KCNN2: variants seen among roughly 807,000 people sequenced by gnomAD.
The protein encoded by KCNN2 is potassium calcium-activated channel subfamily N member 2, also known as small conductance calcium-activated potassium channel protein 2.
A neutral mutation model predicts 55.5 loss-of-function variants in KCNN2; 24 were observed. The observed-to-expected ratio is 0.43, with a 90% CI of 0.31 to 0.61. The LOEUF is 0.61. KCNN2 is among the 20% of genes least tolerant of loss of function. The pLI, the probability that KCNN2 is intolerant of heterozygous loss-of-function variation, is 0.08. For missense variants in KCNN2, 754 were observed against 853.6 expected (o/e 0.88, Z 1.45); for synonymous variants, 431 against 336.1 (o/e 1.28, Z -3.09).
chr5:114,158,415 A>G (rs1752688414), intron 1 of KCNN2, among the ~76,000 whole-genome samples: 1 of 151,986 alleles, frequency 6.6e-6, no homozygotes, highest in African/African-American at 2.4e-5. Flanking sequence ...GCCTTGTAGT[A>G]TAGTTTGAAG....
chr5:114,425,197 C>A (rs751984067), intron 3 of KCNN2, among the ~76,000 whole-genome samples: 1 of 152,180 alleles, frequency 6.6e-6, no homozygotes, highest in Non-Finnish European at 1.5e-5. Context: ...AGGGGCTTAA[C>A]TATCATGCTT....
At chr5:114,448,164 C>T (rs1279062488) in intron 3 of KCNN2, among the ~76,000 whole-genome samples, 3 of 152,172 alleles carry the variant, frequency 2.0e-5, no homozygotes, top group African/African-American at 4.8e-5. Context: ...TTCACTTTCT[C>T]ACTTTCAGCT....
At chr5:114,338,733 G>T (rs545431403) in intron 2 of KCNN2, among the ~76,000 whole-genome samples, 1 of 152,256 alleles carries the variant, frequency 6.6e-6, no homozygotes, top group Non-Finnish European at 1.5e-5. Context: ...TGGGTTTAGG[G>T]TTTCCCTATG....
intron 2 of KCNN2, among the ~76,000 whole-genome samples, chr5:114,399,477 A>T (rs756015386): frequency 3.3e-5 from 5 of 152,134 alleles, no homozygotes; most frequent in Admixed American, 6.5e-5. Context: ...TAGCTTTTTG[A>T]TGTGCTGCTG....
At chr5:114,364,303 C>G (rs1471489877) in intron 2 of KCNN2, among the ~76,000 whole-genome samples, 1 of 152,164 alleles carries the variant, frequency 6.6e-6, no homozygotes, top group African/African-American at 2.4e-5. Context: ...TTCCTTAAGG[C>G]CAGTTATGCT....
chr5:114,285,557 A>G (rs988591122), intron 2 of KCNN2, among the ~76,000 whole-genome samples: 1 of 152,194 alleles, frequency 6.6e-6, no homozygotes, highest in African/African-American at 2.4e-5. Context: ...TCCTAAAATT[A>G]TAGATCAGAA....
At chr5:114,222,180 C>G (rs867630400) in intron 2 of KCNN2, among the ~76,000 whole-genome samples, 2 of 151,936 alleles carry the variant, frequency 1.3e-5, no homozygotes, top group Non-Finnish European at 2.9e-5. Flanking sequence ...TAGTTCCTTT[C>G]AAAAAATTAA....
intron 2 of KCNN2, among the ~76,000 whole-genome samples, chr5:114,336,655 G>A (rs1756929558): frequency 6.6e-6 from 1 of 152,208 alleles, no homozygotes; most frequent in Admixed American, 6.5e-5. Context: ...AGGGACAGCA[G>A]TGCAGAACAC....
At chr5:114,262,942 G>T (rs79905187) in intron 2 of KCNN2, among the ~76,000 whole-genome samples, 2 of 152,166 alleles carry the variant, frequency 1.3e-5, no homozygotes, top group Admixed American at 1.3e-4. Flanking sequence ...TATATCATTC[G>T]CCAATTGTGA....
chr5:114,202,049 C>G (rs747182051), intron 1 of KCNN2, among the ~76,000 whole-genome samples: 2 of 152,100 alleles, frequency 1.3e-5, no homozygotes, highest in African/African-American at 4.8e-5. Context: ...GTGGCAGGGA[C>G]CATCCGAGGG....
intron 1 of KCNN2, among the ~76,000 whole-genome samples, chr5:114,125,702 G>A (rs1054085466): frequency 6.6e-6 from 1 of 152,146 alleles, no homozygotes. Flanking sequence ...CAGTTCTGGA[G>A]GTTAGAAGTG....
chr5:114,160,383 T>G (rs1485429359), intron 1 of KCNN2, among the ~76,000 whole-genome samples: 1 of 152,182 alleles, frequency 6.6e-6, no homozygotes, highest in East Asian at 1.9e-4. Flanking sequence ...TTGTTATAAT[T>G]TCTATTCTTT....
At chr5:114,277,876 C>T (rs1755524035) in intron 2 of KCNN2, among the ~76,000 whole-genome samples, 2 of 152,096 alleles carry the variant, frequency 1.3e-5, no homozygotes, top group African/African-American at 4.8e-5. Context: ...AGTTTTGTTC[C>T]CTTGCTGTCG....
At chr5:114,065,243 C>T (rs1027830935) in intron 1 of KCNN2, among the ~76,000 whole-genome samples, 13 of 152,188 alleles carry the variant, frequency 8.5e-5, no homozygotes, top group Non-Finnish European at 1.8e-4. Flanking sequence ...TTCTAGCTCT[C>T]TCCTGTTTCA....
chr5:114,078,206 C>T (rs1001607190), intron 1 of KCNN2, among the ~76,000 whole-genome samples: 6 of 152,024 alleles, frequency 3.9e-5, no homozygotes, highest in African/African-American at 1.2e-4. Flanking sequence ...TCGAGGGTGT[C>T]GTTTTAATTT....
intron 2 of KCNN2, among the ~76,000 whole-genome samples, chr5:114,262,416 C>T (rs769908243): frequency 3.3e-5 from 5 of 152,162 alleles, no homozygotes; most frequent in Non-Finnish European, 5.9e-5. Context: ...AGTTATATGA[C>T]TTCTAAAGTT....
At chr5:114,231,373 G>C (rs1411125504) in intron 2 of KCNN2, among the ~76,000 whole-genome samples, 1 of 130,464 alleles carries the variant, frequency 7.7e-6, no homozygotes, top group Non-Finnish European at 1.6e-5. Flanking sequence ...CCTATGTCCT[G>C]AATGGTAATG....
intron 3 of KCNN2, among the ~76,000 whole-genome samples, chr5:114,432,746 G>T (rs1451880600): frequency 2.0e-5 from 3 of 152,196 alleles, no homozygotes; most frequent in Admixed American, 2.0e-4. Flanking sequence ...GTTCCGGGTG[G>T]GCGTGGGCTT....
chr5:114,272,723 A>C (rs1165303062), intron 2 of KCNN2, among the ~76,000 whole-genome samples: 2 of 152,090 alleles, frequency 1.3e-5, no homozygotes, highest in Non-Finnish European at 2.9e-5. Flanking sequence ...AAAGCTGTTA[A>C]TGTTGGCTTT....
Sources: allele counts gnomAD v4.1 joint callset (sites outside exome capture counted in the v4.1 genomes callset), GRCh38; gene constraint gnomAD v4.1.1; transcripts MANE v1.5; gene names NCBI Gene and HGNC (gene_info 2026-07-23, HGNC 2026-07-21).